GRAMD4: variants seen among roughly 807,000 people sequenced by gnomAD.
The protein encoded by GRAMD4 is GRAM domain-containing protein 4.
In GRAMD4, 25 loss-of-function variants were observed where a neutral mutation model predicts 83.9. The observed-to-expected ratio is 0.30, with a 90% CI of 0.22 to 0.42. The LOEUF is 0.42. Ranked by LOEUF, GRAMD4 falls within the 10% of genes least tolerant of loss-of-function variation. The probability of loss-of-function intolerance (pLI) is 1.00; values close to 1 mark genes in which losing one functional copy is unlikely to be tolerated. For synonymous variants in GRAMD4, 336 were observed against 320.9 expected (o/e 1.05, Z -0.50); for missense variants, 593 against 788.7 (o/e 0.75, Z 2.97).
chr22:46,583,824 G>A (rs1426698200), intron 1 of GRAMD4, among the ~76,000 whole-genome samples: 1 of 152,196 alleles, frequency 6.6e-6, no homozygotes, highest in East Asian at 1.9e-4. Context: ...CAGTTCTTGT[G>A]TTTCCTCCTT....
intron 11 of GRAMD4, among the ~76,000 whole-genome samples, chr22:46,668,411 C>T (rs920453765): frequency 3.9e-5 from 6 of 152,170 alleles, no homozygotes; most frequent in East Asian, 1.9e-4. Flanking sequence ...CCTCTGCGGA[C>T]GGTGCGCGAG....
At chr22:46,576,894 A>C (rs1298724651), upstream of GRAMD4, among the ~76,000 whole-genome samples, 3 of 145,672 alleles carry the variant, frequency 2.1e-5, no homozygotes, top group African/African-American at 7.4e-5. Context: ...GCGGGGGCGC[A>C]CGTGGCCACC....
At chr22:46,602,424 C>T (rs1253011961) in intron 1 of GRAMD4, among the ~76,000 whole-genome samples, 1 of 152,128 alleles carries the variant, frequency 6.6e-6, no homozygotes, top group Non-Finnish European at 1.5e-5. Flanking sequence ...ATACCTGTAG[C>T]CCCAACGCTT....
At chr22:46,638,941 T>C (rs875559) in intron 3 of GRAMD4, among the ~76,000 whole-genome samples, 35,408 of 152,198 alleles carry the variant, frequency 0.23, 4,679 homozygotes, top group East Asian at 0.4. Flanking sequence ...GGGTGCCCTG[T>C]CCTTGGTTAC....
At chr22:46,646,903 T>C (rs1459050316) in intron 3 of GRAMD4, among the ~76,000 whole-genome samples, 1 of 152,166 alleles carries the variant, frequency 6.6e-6, no homozygotes, top group African/African-American at 2.4e-5. Context: ...TCTTACCAGA[T>C]AGCAGCAGGC....
At chr22:46,661,702 C>T (rs1293022125) in intron 5 of GRAMD4, among the ~76,000 whole-genome samples, 9 of 152,364 alleles carry the variant, frequency 5.9e-5, no homozygotes, top group Admixed American at 2.6e-4. Context: ...TCAACTAAAG[C>T]GTGATTGTGT....
intron 3 of GRAMD4, among the ~76,000 whole-genome samples, chr22:46,638,485 G>T (rs1237626373): frequency 6.6e-6 from 1 of 152,236 alleles, no homozygotes; most frequent in Non-Finnish European, 1.5e-5. Flanking sequence ...GGACTCTGCA[G>T]CAGTGAGAAT....
At chr22:46,588,826 G>A (rs1003675027) in intron 1 of GRAMD4, among the ~76,000 whole-genome samples, 1 of 43,618 alleles carries the variant, frequency 2.3e-5, no homozygotes, top group African/African-American at 3.6e-4. Context: ...GGCCCAGGCT[G>A]GGCTGGGCTG....
chr22:46,612,093 T>G (rs2081423453), intron 1 of GRAMD4, among the ~76,000 whole-genome samples: 1 of 119,644 alleles, frequency 8.4e-6, no homozygotes, highest in African/African-American at 2.9e-5. Flanking sequence ...AGCCTTGAAC[T>G]CCTGGTCTCA....
At chr22:46,645,085 A>C (rs955104734) in intron 3 of GRAMD4, among the ~76,000 whole-genome samples, 25 of 151,400 alleles carry the variant, frequency 1.7e-4, no homozygotes, top group Non-Finnish European at 1.5e-4. Context: ...TGTCTCCAGG[A>C]GTAGAGGATG....
At chr22:46,590,661 C>T (rs941125316) in intron 1 of GRAMD4, among the ~76,000 whole-genome samples, 4 of 152,184 alleles carry the variant, frequency 2.6e-5, no homozygotes, top group Non-Finnish European at 5.9e-5. Flanking sequence ...GCAGAGGTCC[C>T]GCCAGGGCGT....
chr22:46,589,232 G>A (rs889344908), intron 1 of GRAMD4, among the ~76,000 whole-genome samples: 1 of 151,232 alleles, frequency 6.6e-6, no homozygotes, highest in Non-Finnish European at 1.5e-5. Flanking sequence ...GTTAAAGAGG[G>A]CAGCCCTGGC....
At position 46,622,696 on chromosome 22, in the gene GRAMD4, G is replaced by A. The variant is rs1286945627; in HGVS notation, c.-50+2131G>A. Among the ~76,000 whole-genome samples, 2 of 152,250 alleles carry A rather than the reference G, an allele frequency of 1.3e-5. No individual in the cohort carries two copies. Among genetic ancestry groups the A allele is most frequent in the African/African-American group, 2.4e-5 (1 of 41,560 alleles). On this transcript the variant is annotated intron_variant, in intron 1 of 18. Coordinates refer to ENST00000406902, the MANE Select transcript of GRAMD4 (RefSeq NM_015124.5). This position sits in a 1 kb window ranked among gnomAD's most constrained non-coding sequence, Gnocchi z 4.0. ...TGGGAGGCCGAGGCGGGTGGATCAC[G>A]AGGTCAGGAGATTGAGACCATCCTG...
At chr22:46,627,902 G>A (rs1388224767) in intron 2 of GRAMD4, among the ~76,000 whole-genome samples, 4 of 152,260 alleles carry the variant, frequency 2.6e-5, no homozygotes, top group African/African-American at 9.6e-5. Context: ...CAGAGTGCCC[G>A]GCCTGCCGGG....
At chr22:46,579,800 G>T (rs1014565909) in intron 1 of GRAMD4, among the ~76,000 whole-genome samples, 1 of 152,184 alleles carries the variant, frequency 6.6e-6, no homozygotes, top group Non-Finnish European at 1.5e-5. Flanking sequence ...TCCGGCCAGG[G>T]GCTCATTTTA....
At chr22:46,660,742 T>C (rs1488078993) in intron 4 of GRAMD4, among the ~76,000 whole-genome samples, 2 of 152,166 alleles carry the variant, frequency 1.3e-5, no homozygotes, top group Non-Finnish European at 2.9e-5. Flanking sequence ...CCGCCCTCTG[T>C]TCTCTTCTCA....
chr22:46,646,897 A>AC lies in GRAMD4; in HGVS notation c.283+8939dup, dbSNP rs527980447. Reference sequence around the variant, plus strand: ...GGCAAGGAGGAGCAAGTCACATCTTACCAGATAGCAGCAGGCAAAGAGAGA... The same window carrying AC: ...GGCAAGGAGGAGCAAGTCACATCTTACCCAGATAGCAGCAGGCAAAGAGAGA... On this transcript the variant is annotated intron_variant, in intron 3 of 18. Transcript: ENST00000406902. Among the ~76,000 whole-genome samples the AC allele has an allele frequency of 6.1e-4, 93 of 152,332 alleles. No individual in the cohort carries two copies. The East Asian group carries it at 0.015, about 24-fold the overall frequency.
rs2082619631 is a variant in GRAMD4 at position 46,677,688 on chromosome 22, G to T, written c.*437G>T. The T allele has an allele frequency of 2.0e-6, 2 of 988,516 alleles. No individual in the cohort carries two copies. Among genetic ancestry groups the T allele is most frequent in the African/African-American group, 1.7e-5 (1 of 57,334 alleles). The allele number at this position is 988,516 out of a possible 1,614,324, so 61.2% of individuals were successfully genotyped here. ...CAAAGCCATAGCTGAAGAGTGCGGG[G>T]CCCTTCCTCCTGGGGACAGAAAGAT... On this transcript the variant is annotated 3_prime_UTR_variant, in exon 19 of 19. Coordinates refer to ENST00000406902, the MANE Select transcript of GRAMD4 (RefSeq NM_015124.5).
chr22:46,648,843 G>C (rs1036316525), intron 3 of GRAMD4, among the ~76,000 whole-genome samples: 14 of 137,268 alleles, frequency 1.0e-4, no homozygotes, highest in South Asian at 7.1e-4. Context: ...TGGATGGATG[G>C]ATGCATGGAT....
Sources: allele counts gnomAD v4.1 joint callset (sites outside exome capture counted in the v4.1 genomes callset), GRCh38; gene constraint gnomAD v4.1.1; non-coding constraint Gnocchi (gnomAD v3.1); transcripts MANE v1.5; gene names NCBI Gene and HGNC (gene_info 2026-07-23, HGNC 2026-07-21).